The following HBS1L variants were observed in gnomAD, a reference collection of about 807,000 sequenced individuals.
HBS1L encodes HBS1 like translational GTPase.
In HBS1L, 55 loss-of-function variants were observed where a neutral mutation model predicts 88.9. The observed-to-expected ratio is 0.62, with a 90% CI of 0.50 to 0.77. HBS1L has a LOEUF of 0.77. HBS1L is among the 30% of genes least tolerant of loss of function. The pLI is 0.00. For missense variants in HBS1L, 741 were observed against 829.3 expected, an observed-to-expected ratio of 0.89 and a Z score of 1.31; for synonymous variants, 267 against 288.5, an observed-to-expected ratio of 0.93 and a Z score of 0.76.
At chr6:135,050,010 C>T (rs9389261) in intron 2 of HBS1L, among the ~76,000 whole-genome samples, 3 of 152,108 alleles carry the variant, frequency 2.0e-5, no homozygotes, top group Admixed American at 6.5e-5. Flanking sequence ...AAGAATATAT[C>T]AATGTTCTCC....
chr6:134,976,148 T>C (rs989958592), intron 15 of HBS1L, among the ~76,000 whole-genome samples: 2 of 151,980 alleles, frequency 1.3e-5, no homozygotes, highest in African/African-American at 2.4e-5. Flanking sequence ...AAGAAACATA[T>C]GAAAAAATGC....
chr6:135,021,001 C>T (rs1411422910), intron 4 of HBS1L, among the ~76,000 whole-genome samples: 3 of 152,022 alleles, frequency 2.0e-5, no homozygotes, highest in African/African-American at 7.2e-5. Context: ...GAAACACACA[C>T]AAAGTATAAA....
chr6:134,988,693 G>A (rs1775049497), intron 8 of HBS1L, among the ~76,000 whole-genome samples: 1 of 152,326 alleles, frequency 6.6e-6, no homozygotes, highest in African/African-American at 2.4e-5. Context: ...ACGGTGAGAA[G>A]CGCATCCTCA....
At chr6:135,023,347 G>A (rs1445393079) in intron 4 of HBS1L, among the ~76,000 whole-genome samples, 1 of 152,148 alleles carries the variant, frequency 6.6e-6, no homozygotes, top group African/African-American at 2.4e-5. Flanking sequence ...GGGAGGCTGA[G>A]GCAGGAGAGT....
intron 15 of HBS1L, among the ~76,000 whole-genome samples, chr6:134,972,120 C>T (rs1367666036): frequency 3.3e-5 from 5 of 152,112 alleles, no homozygotes; most frequent in Non-Finnish European, 1.5e-5. Flanking sequence ...TTTCTGAATT[C>T]TAAAACCATT....
rs558751030 is a variant in HBS1L at position 134,969,303 on chromosome 6, G to A, written c.1833C>T (p.Ala611=). The A allele has an allele frequency of 9.3e-6, 15 of 1,613,346 alleles. No homozygotes were observed. Among genetic ancestry groups the A allele is most frequent in the African/African-American group, 2.7e-5 (2 of 74,864 alleles). Residue 611 remains alanine, a synonymous_variant, in exon 16 of 18, where the codon GCC becomes GCT. Transcript: ENST00000367837. ...LLHYQTVSEP[A]VIKRLISVLN... is the part of the protein sequence containing the mutation. ...AGACACTAATCAATCGTTTAATAAC[G>A]GCGGGTTCACTGACAGTTTGGTAGT...
rs769243549 is a variant in HBS1L at position 134,993,718 on chromosome 6, A to G, written c.1083+40T>C. The G allele has an allele frequency of 1.2e-5, 10 of 842,876 alleles. No homozygotes were observed. In the South Asian group the frequency reaches 2.1e-4, roughly 18 times the overall value. 52.2% of individuals were successfully genotyped at this position (842,876 alleles called of 1,614,324 possible). On this transcript the variant is annotated intron_variant, in intron 8 of 17. Coordinates refer to ENST00000367837, the MANE Select transcript of HBS1L (RefSeq NM_006620.4). ...CTCAGCATCAGAAAATTTTATGTAA[A>G]GTACAATCAGCACACTATAGTGAAG...
intron 15 of HBS1L, among the ~76,000 whole-genome samples, chr6:134,969,988 G>A (rs574390309): frequency 6.6e-6 from 1 of 152,086 alleles, no homozygotes; most frequent in Non-Finnish European, 1.5e-5. Context: ...GGAAAATAAC[G>A]TTTTTAACTA....
chr6:135,037,711 C>CT, intron 4 of HBS1L: 1 of 1,550,846 alleles, frequency 6.4e-7, no homozygotes, highest in African/African-American at 1.4e-5. Flanking sequence ...ACTTTCCAGA[C>CT]TGTCTGTAGA....
intron 7 of HBS1L, 58 bp downstream of exon 7, chr6:134,996,719 C>A: frequency 8.1e-7 from 1 of 1,235,586 alleles, no homozygotes; most frequent in South Asian, 1.6e-5. Context: ...ACATATTACA[C>A]ACTTATTTTA....
At chr6:135,017,992 CA>C (rs35746876) in intron 4 of HBS1L, among the ~76,000 whole-genome samples, 70,570 of 146,984 alleles carry the variant, frequency 0.48, 16,733 homozygotes, top group South Asian at 0.57. Context: ...AACAAACAAA[CA>C]AAAAAAAAAA....
At chr6:134,985,735 A>G (rs1257067781) in intron 11 of HBS1L, among the ~76,000 whole-genome samples, 3 of 152,286 alleles carry the variant, frequency 2.0e-5, no homozygotes, top group Admixed American at 2.0e-4. Context: ...CAAAAAAAAA[A>G]TTTCAGACCC....
intron 4 of HBS1L, among the ~76,000 whole-genome samples, chr6:135,029,915 C>T (rs1018367878): frequency 1.3e-5 from 2 of 152,180 alleles, no homozygotes; most frequent in African/African-American, 4.8e-5. Context: ...TGTATACGTA[C>T]ATTCACATAT....
At chr6:134,999,835 T>C (rs935872241) in intron 5 of HBS1L, among the ~76,000 whole-genome samples, 2 of 152,172 alleles carry the variant, frequency 1.3e-5, no homozygotes, top group Admixed American at 6.5e-5. Context: ...ATTAGAAAAG[T>C]ATCCTAGGTA....
chr6:134,994,625 C>A (rs1207943530), intron 7 of HBS1L, among the ~76,000 whole-genome samples: 1 of 152,100 alleles, frequency 6.6e-6, no homozygotes, highest in African/African-American at 2.4e-5. Flanking sequence ...ACATTATACA[C>A]ATAGCCTGAA....
At chr6:135,050,257 T>C (rs1777040327) in intron 2 of HBS1L, among the ~76,000 whole-genome samples, 1 of 152,344 alleles carries the variant, frequency 6.6e-6, no homozygotes, top group South Asian at 2.1e-4. Flanking sequence ...GAGGATATAA[T>C]GGCTGCCTGC....
At chr6:135,014,378 C>G (rs1269313072) in intron 4 of HBS1L, among the ~76,000 whole-genome samples, 2 of 152,152 alleles carry the variant, frequency 1.3e-5, no homozygotes, top group Non-Finnish European at 2.9e-5. Flanking sequence ...TAAATTATAG[C>G]ATGTTCTTGG....
chr6:135,028,097 T>C (rs1776285721), intron 4 of HBS1L, among the ~76,000 whole-genome samples: 1 of 152,054 alleles, frequency 6.6e-6, no homozygotes, highest in African/African-American at 2.4e-5. Flanking sequence ...TAAAAATGCA[T>C]GTATGTTAAA....
At chr6:134,978,957 T>C (rs991892588) in intron 14 of HBS1L, among the ~76,000 whole-genome samples, 170 bp from the exon 15 acceptor site, 24 of 152,090 alleles carry the variant, frequency 1.6e-4, no homozygotes, top group African/African-American at 5.1e-4. Flanking sequence ...ATTAACCTTA[T>C]GTCATTTTTA....
Sources: gnomAD v4.1 joint callset for allele counts (sites outside exome capture counted in the v4.1 genomes callset) on GRCh38, gnomAD v4.1.1 for gene constraint, MANE v1.5 for transcripts, NCBI Gene and HGNC (gene_info 2026-07-23, HGNC 2026-07-21) for gene names.